The following SMAP1 variants were observed in gnomAD, a reference collection of about 807,000 sequenced individuals.
The protein encoded by SMAP1 is stromal membrane-associated protein 1.
Under a neutral mutation model 58.5 loss-of-function variants are expected in SMAP1, and 24 were observed. The ratio of observed to expected loss-of-function variants is 0.41; its 90% confidence interval spans 0.30 to 0.58. The LOEUF is 0.58. Ranked by LOEUF, SMAP1 falls within the 20% of genes least tolerant of loss-of-function variation. SMAP1 has a pLI of 0.29. For missense variants in SMAP1, 563 were observed against 566.3 expected, an observed-to-expected ratio of 0.99 and a Z score of 0.06; for synonymous variants, 216 against 196.6, an observed-to-expected ratio of 1.10 and a Z score of -0.82.
chr6:70,855,698 T>G (rs1771387173), intron 8 of SMAP1, among the ~76,000 whole-genome samples: 1 of 152,212 alleles, frequency 6.6e-6, no homozygotes, highest in Non-Finnish European at 1.5e-5. Context: ...AAGTAACATG[T>G]CTGAGTGTAC....
At chr6:70,726,750 A>G (rs1328205726) in intron 1 of SMAP1, among the ~76,000 whole-genome samples, 1 of 152,070 alleles carries the variant, frequency 6.6e-6, no homozygotes, top group African/African-American at 2.4e-5. Flanking sequence ...CTTTTACACT[A>G]TTTATACTTA....
At chr6:70,726,607 T>TCAGAA (rs1768796000) in intron 1 of SMAP1, among the ~76,000 whole-genome samples, 2 of 152,210 alleles carry the variant, frequency 1.3e-5, no homozygotes, top group Non-Finnish European at 1.5e-5. Flanking sequence ...ATCATGGTAA[T>TCAGAA]CAGAAACTGA....
chr6:70,728,939 C>T (rs1404857797), intron 1 of SMAP1, among the ~76,000 whole-genome samples: 1 of 152,188 alleles, frequency 6.6e-6, no homozygotes, highest in African/African-American at 2.4e-5. Context: ...GTTACCACAT[C>T]CAGATGTTCT....
At chr6:70,808,209 C>T (rs575607462) in intron 6 of SMAP1, among the ~76,000 whole-genome samples, 1 of 152,162 alleles carries the variant, frequency 6.6e-6, no homozygotes, top group African/African-American at 2.4e-5. Context: ...CAGTTCAAAC[C>T]CATGTCGTTC....
At chr6:70,787,410 C>T (rs1226961453) in intron 4 of SMAP1, among the ~76,000 whole-genome samples, 1 of 152,150 alleles carries the variant, frequency 6.6e-6, no homozygotes, top group East Asian at 1.9e-4. Flanking sequence ...ATGTCTAAAA[C>T]ACCAAGAGCA....
intron 4 of SMAP1, among the ~76,000 whole-genome samples, chr6:70,781,467 C>T (rs1377189007): frequency 1.3e-5 from 2 of 152,130 alleles, no homozygotes; most frequent in Non-Finnish European, 2.9e-5. Flanking sequence ...TTCTAGACTT[C>T]TGAAAAACTT....
rs1582285359 is a variant in SMAP1 at position 70,837,046 on chromosome 6, A to G, written c.664+18A>G. The G allele has an allele frequency of 7.2e-6, 11 of 1,533,838 alleles. 2 individuals are homozygous for G. Among genetic ancestry groups the G allele is most frequent in the Admixed American group, 2.0e-5 (1 of 50,328 alleles). ...AGGACTTGGTAAGTAATAAAAAATAAAAGTCACTGCTGGAGTTACAAAACA... is the reference window on the plus strand; with the variant it reads ...AGGACTTGGTAAGTAATAAAAAATAGAAGTCACTGCTGGAGTTACAAAACA... On this transcript the variant is annotated intron_variant, in intron 7 of 10. Transcript: ENST00000370455.
chr6:70,780,530 G>A (rs1055147000), intron 4 of SMAP1, among the ~76,000 whole-genome samples: 1 of 152,156 alleles, frequency 6.6e-6, no homozygotes, highest in South Asian at 2.1e-4. Context: ...TCAGTGAGCT[G>A]TGATCACACC....
intron 4 of SMAP1, among the ~76,000 whole-genome samples, chr6:70,784,684 C>T (rs974667427): frequency 1.3e-5 from 2 of 152,116 alleles, no homozygotes; most frequent in African/African-American, 4.8e-5. Context: ...TTCAAACCAA[C>T]AAAGATCAAA....
At position 70,837,010 on chromosome 6, in the gene SMAP1, G is replaced by A. The variant is rs1342244998; in HGVS notation, c.646G>A (p.Val216Met). The A allele has an allele frequency of 1.9e-6, 3 of 1,596,220 alleles. No individual in the cohort carries two copies. The highest frequency in any genetic ancestry group is 1.7e-6 in the Non-Finnish European group (2 of 1,172,150). ...CCCTAAAAAAGCTGCGGAGCCCACT[G>A]TGGATCTTTTAGGACTTGGTAAGTA... The part of the protein sequence containing the change: ...TSPKKAAEPT[V>M]DLLGLDGPAV... The change falls in exon 7 of 11, where the codon GTG becomes ATG. Residue 216 changes from valine to methionine, a missense_variant. Transcript: ENST00000370455.
At chr6:70,710,922 G>A (rs542944332) in intron 1 of SMAP1, among the ~76,000 whole-genome samples, 1 of 151,850 alleles carries the variant, frequency 6.6e-6, no homozygotes, top group African/African-American at 2.4e-5. Flanking sequence ...TATTAGCCTA[G>A]GACTCCACAG....
chr6:70,680,642 A>C lies in SMAP1; in HGVS notation c.118+12501A>C, dbSNP rs757700848. On this transcript the variant is annotated intron_variant, in intron 1 of 10. Coordinates refer to ENST00000370455, the MANE Select transcript of SMAP1 (RefSeq NM_001044305.3). ...ATGAACTAGTGGATGAGTCATAAAA[A>C]CATTATATTTACAAAAGAATCCATA... Among the ~76,000 whole-genome samples, 3 of 152,104 alleles carry C rather than the reference A, an allele frequency of 2.0e-5. No homozygotes were observed. The South Asian group carries it at 6.2e-4, about 32-fold the overall frequency.
intron 1 of SMAP1, chr6:70,693,851 ATCAC>A (rs1767287380): frequency 6.6e-6 from 1 of 152,280 alleles, no homozygotes. Context: ...TTTCTTGGGT[ATCAC>A]TCAAAGTATT....
chr6:70,844,783 GT>G (rs1272854348), intron 7 of SMAP1, among the ~76,000 whole-genome samples: 1 of 152,196 alleles, frequency 6.6e-6, no homozygotes, highest in African/African-American at 2.4e-5. Context: ...ATCAAGTCTT[GT>G]GTTTTAATAT....
intron 3 of SMAP1, among the ~76,000 whole-genome samples, chr6:70,756,210 C>G (rs2149890806): frequency 6.6e-6 from 1 of 152,082 alleles, no homozygotes; most frequent in Non-Finnish European, 1.5e-5. Context: ...ACATTTGTGA[C>G]TTTGACAATA....
intron 7 of SMAP1, among the ~76,000 whole-genome samples, chr6:70,851,012 T>A (rs1771162883): frequency 6.6e-6 from 1 of 152,188 alleles, no homozygotes; most frequent in Non-Finnish European, 1.5e-5. Flanking sequence ...TTGTAAATTA[T>A]AATCTATGTA....
intron 1 of SMAP1, among the ~76,000 whole-genome samples, chr6:70,729,438 CAA>C (rs71538438): frequency 9.8e-5 from 8 of 81,668 alleles, no homozygotes; most frequent in Non-Finnish European, 7.4e-5. Flanking sequence ...GACTCCGTCT[CAA>C]AAAAAAAAAA....
At chr6:70,699,752 G>A (rs914984292) in intron 1 of SMAP1, among the ~76,000 whole-genome samples, 1 of 151,498 alleles carries the variant, frequency 6.6e-6, no homozygotes, top group African/African-American at 2.4e-5. Flanking sequence ...TCTTCAGTGA[G>A]TTTGTAGTAA....
At chr6:70,808,498 G>A (rs984259145) in intron 6 of SMAP1, among the ~76,000 whole-genome samples, 3 of 152,132 alleles carry the variant, frequency 2.0e-5, no homozygotes, top group East Asian at 1.9e-4. Context: ...CGGTTGCCGC[G>A]GAAGAAGCAG....
Sources: gnomAD v4.1 joint callset for allele counts (sites outside exome capture counted in the v4.1 genomes callset) on GRCh38, gnomAD v4.1.1 for gene constraint, MANE v1.5 for transcripts, NCBI Gene and HGNC (gene_info 2026-07-23, HGNC 2026-07-21) for gene names.